NLGN1: variants seen among roughly 807,000 people sequenced by gnomAD.
NLGN1 encodes neuroligin-1.
Under a neutral mutation model 65.5 loss-of-function variants are expected in NLGN1, and 12 were observed. The ratio of observed to expected loss-of-function variants is 0.18; its 90% confidence interval spans 0.12 to 0.30. NLGN1 has a LOEUF of 0.30. Ranked by LOEUF, NLGN1 falls within the 10% of genes least tolerant of loss-of-function variation. NLGN1 has a pLI of 1.00. For synonymous variants in NLGN1, 350 were observed against 359.5 expected (o/e 0.97, Z 0.30); for missense variants, 750 against 1,007.1 (o/e 0.74, Z 3.46).
intron 4 of NLGN1, among the ~76,000 whole-genome samples, chr3:173,994,298 C>T (rs778903571): frequency 6.6e-5 from 10 of 151,522 alleles, no homozygotes; most frequent in Non-Finnish European, 1.0e-4. Context: ...GGGGTTTTGC[C>T]ATGTTGCCCA....
At chr3:173,636,808 A>G (rs981824117) in intron 3 of NLGN1, among the ~76,000 whole-genome samples, 1 of 152,126 alleles carries the variant, frequency 6.6e-6, no homozygotes, top group Non-Finnish European at 1.5e-5. Context: ...GGTCATTAAC[A>G]CCTATACTGT....
intron 4 of NLGN1, among the ~76,000 whole-genome samples, chr3:174,214,616 G>C (rs958187183): frequency 1.3e-5 from 2 of 152,086 alleles, no homozygotes; most frequent in Admixed American, 1.3e-4. Flanking sequence ...AAAGACTTCT[G>C]GGCTTTGTTT....
chr3:173,810,942 G>A (rs1043825744), intron 4 of NLGN1, among the ~76,000 whole-genome samples: 4 of 152,106 alleles, frequency 2.6e-5, no homozygotes, highest in Non-Finnish European at 5.9e-5. Flanking sequence ...GAAGTGATAG[G>A]AAAAACTGCC....
chr3:173,566,583 C>T (rs1743711066), intron 2 of NLGN1, among the ~76,000 whole-genome samples: 1 of 152,142 alleles, frequency 6.6e-6, no homozygotes, highest in Admixed American at 6.5e-5. Context: ...TACTTATCCT[C>T]CATACTTAGT....
At chr3:174,133,893 A>AACACAC (rs5854553) in intron 4 of NLGN1, among the ~76,000 whole-genome samples, 29,918 of 144,504 alleles carry the variant, frequency 0.21, 3,213 homozygotes, top group East Asian at 0.34. Context: ...CACCCCACAA[A>AACACAC]ACACACACAC....
intron 4 of NLGN1, among the ~76,000 whole-genome samples, chr3:174,135,824 A>T (rs1322222656): frequency 1.3e-5 from 2 of 152,186 alleles, no homozygotes; most frequent in African/African-American, 4.8e-5. Flanking sequence ...TATTATTTTA[A>T]GCTAGTACTT....
At chr3:173,753,997 CTT>C (rs199969449) in intron 3 of NLGN1, among the ~76,000 whole-genome samples, 1 of 131,496 alleles carries the variant, frequency 7.6e-6, no homozygotes, top group African/African-American at 3.0e-5. Flanking sequence ...TCTTCAAGTA[CTT>C]TTTTTTTCTT....
intron 4 of NLGN1, among the ~76,000 whole-genome samples, chr3:173,848,720 C>A (rs1175431216): frequency 6.6e-6 from 1 of 152,100 alleles, no homozygotes; most frequent in African/African-American, 2.4e-5. Flanking sequence ...ATTTGGAATG[C>A]TTGTTGATTT....
chr3:173,891,833 A>G (rs1407962577), intron 4 of NLGN1, among the ~76,000 whole-genome samples: 1 of 152,202 alleles, frequency 6.6e-6, no homozygotes, highest in African/African-American at 2.4e-5. Context: ...ATCAAGTCAC[A>G]ACAATGCCCA....
chr3:173,731,257 A>T (rs1352817153), intron 3 of NLGN1, among the ~76,000 whole-genome samples: 4 of 152,118 alleles, frequency 2.6e-5, no homozygotes, highest in African/African-American at 9.7e-5. Context: ...TACATTTGTT[A>T]ATTAAACATG....
At chr3:173,489,070 C>T (rs114508948) in intron 2 of NLGN1, among the ~76,000 whole-genome samples, 2,666 of 151,214 alleles carry the variant, frequency 0.018, 35 homozygotes, top group Non-Finnish European at 0.028. Context: ...TCTTTTTCTG[C>T]TTACTTTTTT....
intron 3 of NLGN1, among the ~76,000 whole-genome samples, chr3:173,712,052 G>A (rs1470388097): frequency 2.6e-5 from 4 of 152,142 alleles, no homozygotes; most frequent in African/African-American, 9.7e-5. Context: ...TCTGTTTTCA[G>A]GAAGCTTTAA....
intron 3 of NLGN1, among the ~76,000 whole-genome samples, chr3:173,763,819 T>C (rs1778363073): frequency 1.3e-5 from 2 of 152,082 alleles, no homozygotes; most frequent in African/African-American, 4.8e-5. Flanking sequence ...GAAAAAAGCA[T>C]TTTCAAAGTG....
At chr3:173,443,307 AT>A (rs1719549453) in intron 2 of NLGN1, among the ~76,000 whole-genome samples, 1 of 67,352 alleles carries the variant, frequency 1.5e-5, no homozygotes, top group African/African-American at 3.7e-5. Context: ...TAGTATATAT[AT>A]TATATATATA....
intron 4 of NLGN1, among the ~76,000 whole-genome samples, chr3:174,257,386 C>T (rs915668098): frequency 1.3e-5 from 2 of 152,112 alleles, no homozygotes; most frequent in African/African-American, 4.8e-5. Flanking sequence ...TACCATGTGA[C>T]CCAACAATCC....
At chr3:173,700,244 TCTTA>T (rs1766923785) in intron 3 of NLGN1, among the ~76,000 whole-genome samples, 1 of 152,244 alleles carries the variant, frequency 6.6e-6, no homozygotes, top group African/African-American at 2.4e-5. Flanking sequence ...TGCTCCATTT[TCTTA>T]CTTTTTATAC....
chr3:173,853,066 C>A, intron 4 of NLGN1, among the ~76,000 whole-genome samples: 1 of 152,150 alleles, frequency 6.6e-6, no homozygotes, highest in Non-Finnish European at 1.5e-5. Context: ...ATACCCGTCT[C>A]CTTCACTTTG....
At chr3:173,540,186 C>T (rs954876584) in intron 2 of NLGN1, among the ~76,000 whole-genome samples, 4 of 152,050 alleles carry the variant, frequency 2.6e-5, no homozygotes, top group African/African-American at 9.7e-5. Context: ...CTGAGATTCC[C>T]TTATAGGGAC....
intron 4 of NLGN1, among the ~76,000 whole-genome samples, chr3:174,274,767 G>A (rs1308273555): frequency 6.6e-6 from 1 of 151,716 alleles, no homozygotes; most frequent in Non-Finnish European, 1.5e-5. Flanking sequence ...TGATAAAAAT[G>A]TACATATTCA....
Sources: gnomAD v4.1 joint callset for allele counts (sites outside exome capture counted in the v4.1 genomes callset) on GRCh38, gnomAD v4.1.1 for gene constraint, MANE v1.5 for transcripts, NCBI Gene and HGNC (gene_info 2026-07-23, HGNC 2026-07-21) for gene names.